The following C2CD3 variants were observed in gnomAD, a reference collection of about 807,000 sequenced individuals.
C2CD3 encodes the protein C2 domain-containing protein 3.
A neutral mutation model predicts 234.0 loss-of-function variants in C2CD3; 148 were observed. The ratio of observed to expected loss-of-function variants is 0.63; its 90% CI spans 0.55 to 0.72. The LOEUF is 0.72. Among genes scored for constraint, C2CD3 ranks in the 30% least tolerant of loss-of-function variants. C2CD3 has a pLI of 0.00. For synonymous variants in C2CD3, 1,000 were observed against 1,035.4 expected (o/e 0.97, Z 0.66); for missense variants, 2,577 against 2,811.5 (o/e 0.92, Z 1.89).
chr11:74,080,598 G>A (rs916393797), intron 22 of C2CD3, among the ~76,000 whole-genome samples: 19 of 152,254 alleles, frequency 1.2e-4, no homozygotes, highest in Admixed American at 1.0e-3. Context: ...GAGGTTATAG[G>A]TAGGAAAAAA....
chr11:74,164,236 C>A, intron 2 of C2CD3: 1 of 961,082 alleles, frequency 1.0e-6, no homozygotes, highest in Non-Finnish European at 1.2e-6. Flanking sequence ...TTCCTACTAA[C>A]TGAATCCTAT....
At chr11:74,167,372 T>C (rs1348627677) in intron 2 of C2CD3, among the ~76,000 whole-genome samples, 1 of 152,234 alleles carries the variant, frequency 6.6e-6, no homozygotes, top group Non-Finnish European at 1.5e-5. Flanking sequence ...TAACCTACTA[T>C]TAATAACTAA....
rs567387998 is a variant in C2CD3, at chr11:74,128,824, T to A, written c.1217+4020A>T. On this transcript the variant is annotated intron_variant, in intron 7 of 32. Transcript: ENST00000334126. ...CGCCCTTAATCCATTCAACCCTGAG[T>A]GGACACAGCACATGTTTCAGAGAGC... 949 of 221,362 alleles carry A rather than the reference T, an allele frequency of 4.3e-3. 12 individuals carry two copies. The highest frequency in any genetic ancestry group is 0.036 in the Middle Eastern group (20 of 560). The allele number at this position is 221,362 out of a possible 1,614,324, so 13.7% of individuals were successfully genotyped here.
At chr11:74,160,617 T>C (rs1296602611) in intron 3 of C2CD3, among the ~76,000 whole-genome samples, 2 of 151,782 alleles carry the variant, frequency 1.3e-5, no homozygotes, top group Non-Finnish European at 2.9e-5. Context: ...TGGAGAGAGG[T>C]TGGTCAATGG....
At chr11:74,034,628 G>A (rs762314285) in intron 30 of C2CD3, 9 of 1,594,294 alleles carry the variant, frequency 5.6e-6, no homozygotes, top group East Asian at 4.5e-5. Flanking sequence ...AAATCAAAAT[G>A]AGAATCCACT....
Position 74,078,381 on chromosome 11 carries a change from G to A in C2CD3, c.4337C>T (p.Ala1446Val), listed in dbSNP as rs549532133. ...YLRYKFYDHE[A>V]FWTPLKKPKE... The stretch of plus-strand genomic sequence containing the variant: ...AGGCTTCTTGAGAGGGGTCCAAAAG[G>A]CTTCATGATCATAGAACTTGTAGCG... Residue 1446 changes from alanine (A) to valine (V), a missense_variant, in exon 23 of 33, where the codon GCC becomes GTC. By Grantham distance (64) the Ala-to-Val change is moderately conservative. Transcript: ENST00000334126. The A allele has an allele frequency of 7.2e-5, 116 of 1,614,184 alleles. No individual in the cohort carries two copies. In the South Asian group the frequency reaches 1.2e-3, roughly 17 times the overall value.
intron 3 of C2CD3, among the ~76,000 whole-genome samples, chr11:74,157,212 T>C (rs983518143): frequency 6.6e-6 from 1 of 152,260 alleles, no homozygotes; most frequent in Non-Finnish European, 1.5e-5. Flanking sequence ...ATAAATTGTT[T>C]TCATTTTCCC....
intron 7 of C2CD3, among the ~76,000 whole-genome samples, chr11:74,126,366 A>C (rs1957414815): frequency 6.6e-6 from 1 of 152,048 alleles, no homozygotes; most frequent in South Asian, 2.1e-4. Context: ...TTTTTCATTC[A>C]CTGTTCTGAG....
At chr11:74,049,821 T>C (rs1953586617) in intron 26 of C2CD3, among the ~76,000 whole-genome samples, 1 of 152,122 alleles carries the variant, frequency 6.6e-6, no homozygotes, top group Admixed American at 6.6e-5. Context: ...CACTCTGATG[T>C]CTAGGTTGCA....
chr11:74,019,133 AG>A (rs2135400221), intron 32 of C2CD3, among the ~76,000 whole-genome samples: 1 of 152,194 alleles, frequency 6.6e-6, no homozygotes, highest in South Asian at 2.1e-4. Flanking sequence ...TGCCAGAGAG[AG>A]GGCTCCAAAG....
At chr11:74,023,500 T>C (rs1382887931) in intron 32 of C2CD3, among the ~76,000 whole-genome samples, 1 of 152,200 alleles carries the variant, frequency 6.6e-6, no homozygotes, top group Non-Finnish European at 1.5e-5. Context: ...AAACAGGAAC[T>C]TCCATCAACT....
At chr11:74,148,368 G>A (rs970826408) in intron 3 of C2CD3, among the ~76,000 whole-genome samples, 8 of 150,826 alleles carry the variant, frequency 5.3e-5, no homozygotes, top group Non-Finnish European at 1.2e-4. Flanking sequence ...TAAAATAATC[G>A]TATGTTTATG....
At chr11:74,086,139 C>T (rs1408753417) in intron 20 of C2CD3, among the ~76,000 whole-genome samples, 3 of 152,160 alleles carry the variant, frequency 2.0e-5, no homozygotes, top group Non-Finnish European at 4.4e-5. Context: ...ACTGTCCTGT[C>T]AATGCTCTTA....
intron 3 of C2CD3, among the ~76,000 whole-genome samples, chr11:74,150,511 AAAAACAAAAAAAAAACAAAAC>A (rs1294652702): frequency 2.1e-4 from 16 of 74,816 alleles, no homozygotes; most frequent in East Asian, 1.1e-3. Context: ...AAAAAAAAAA[AAAAACAAAAAAAAAACAAAAC>A]AAATTTCTAA....
At chr11:74,164,662 A>G (rs2135574079) in intron 2 of C2CD3, 1 of 152,308 alleles carries the variant, frequency 6.6e-6, no homozygotes, top group Middle Eastern at 3.4e-3. Context: ...ACTTTCTGTA[A>G]ACAAAAAGTT....
intron 3 of C2CD3, among the ~76,000 whole-genome samples, chr11:74,144,735 G>A (rs962076026): frequency 3.9e-5 from 6 of 152,106 alleles, no homozygotes; most frequent in Admixed American, 2.6e-4. Flanking sequence ...TAGTTTGCTA[G>A]GGATAATGGC....
chr11:74,102,228 A>G (rs1026695378), intron 14 of C2CD3, among the ~76,000 whole-genome samples: 2 of 152,214 alleles, frequency 1.3e-5, no homozygotes, highest in Non-Finnish European at 2.9e-5. Context: ...GGGCAGACAA[A>G]AAGAGGAAGA....
intron 3 of C2CD3, among the ~76,000 whole-genome samples, chr11:74,147,808 C>T (rs1372681400): frequency 1.3e-5 from 2 of 152,184 alleles, no homozygotes; most frequent in African/African-American, 4.8e-5. Flanking sequence ...CATGCTGAAA[C>T]AGGATTTCCA....
At chr11:74,117,013 C>CATATATACGTGTATATGTAT (rs1956991139) in intron 9 of C2CD3, among the ~76,000 whole-genome samples, 1 of 110,126 alleles carries the variant, frequency 9.1e-6, no homozygotes, top group Non-Finnish European at 1.8e-5. Context: ...TATATATACA[C>CATATATACGTGTATATGTAT]ATATATACGT....
Sources: allele counts gnomAD v4.1 joint callset (sites outside exome capture counted in the v4.1 genomes callset), GRCh38; gene constraint gnomAD v4.1.1; transcripts MANE v1.5; gene names NCBI Gene and HGNC (gene_info 2026-07-23, HGNC 2026-07-21).